Variants in SOX6 observed in about 807,000 individuals in gnomAD.
SOX6 encodes the protein SRY-box transcription factor 6, also known as transcription factor SOX-6.
A neutral mutation model predicts 97.8 loss-of-function variants in SOX6; 11 were observed. The ratio of observed to expected loss-of-function variants is 0.11; its 90% CI spans 0.07 to 0.19. The LOEUF (loss-of-function observed/expected upper bound fraction) is 0.19, where lower values mean the gene tolerates loss of function less well. Among genes scored for constraint, SOX6 ranks in the 10% least tolerant of loss-of-function variants. The pLI, the probability that SOX6 is intolerant of heterozygous loss-of-function variation, is 1.00. For missense variants in SOX6, 810 were observed against 1,039.5 expected, an observed-to-expected ratio of 0.78 and a Z score of 3.04; for synonymous variants, 360 against 371.4, an observed-to-expected ratio of 0.97 and a Z score of 0.35.
chr11:16,392,406 T>C (rs1330778053), intron 1 of SOX6, among the ~76,000 whole-genome samples: 2 of 152,176 alleles, frequency 1.3e-5, no homozygotes, highest in African/African-American at 4.8e-5. Context: ...ATTTAAAATA[T>C]ACTTAATGTT....
At chr11:16,733,169 C>A (rs1481168036) in intron 2 of SOX6, among the ~76,000 whole-genome samples, 1 of 152,196 alleles carries the variant, frequency 6.6e-6, no homozygotes, top group East Asian at 1.9e-4. Context: ...GACAGTGTGA[C>A]AATTCCTCAA....
chr11:16,659,198 A>G (rs1847747685), intron 3 of SOX6, among the ~76,000 whole-genome samples: 1 of 152,220 alleles, frequency 6.6e-6, no homozygotes, highest in Non-Finnish European at 1.5e-5. Flanking sequence ...ATGATCCACT[A>G]TCAGTTAATT....
chr11:16,366,611 A>G (rs1468087086), intron 1 of SOX6, among the ~76,000 whole-genome samples: 1 of 152,188 alleles, frequency 6.6e-6, no homozygotes, highest in Non-Finnish European at 1.5e-5. Context: ...ACAACTGATT[A>G]CTTGATAGTC....
chr11:16,527,689 T>C (rs4307685), intron 4 of SOX6, among the ~76,000 whole-genome samples: 26,090 of 152,066 alleles, frequency 0.17, 2,775 homozygotes, highest in East Asian at 0.32. Flanking sequence ...CTGCATAGTG[T>C]TGTATTCTTG....
At chr11:16,178,370 GTTAA>G (rs1188601284) in intron 6 of SOX6, among the ~76,000 whole-genome samples, 1 of 151,918 alleles carries the variant, frequency 6.6e-6, no homozygotes, top group Non-Finnish European at 1.5e-5. Flanking sequence ...GACTTTTAAA[GTTAA>G]TTAGATTACA....
intron 2 of SOX6, among the ~76,000 whole-genome samples, chr11:16,732,305 C>G (rs1848356361): frequency 6.6e-6 from 1 of 152,184 alleles, no homozygotes; most frequent in African/African-American, 2.4e-5. Flanking sequence ...AAGAACAAAG[C>G]TGGAGGCATC....
At chr11:16,615,297 C>G (rs1023384763) in intron 3 of SOX6, among the ~76,000 whole-genome samples, 3 of 152,202 alleles carry the variant, frequency 2.0e-5, no homozygotes, top group Admixed American at 6.5e-5. Context: ...GAACATTAGA[C>G]TTGTACAATG....
At chr11:15,973,136 TC>T in intron 15 of SOX6, 24 bp from the exon 16 acceptor site, 1 of 1,612,064 alleles carries the variant, frequency 6.2e-7, no homozygotes, top group Non-Finnish European at 8.5e-7. Flanking sequence ...AGAAACAAAA[TC>T]AGACAAGGGA....
At chr11:16,707,924 A>G (rs2134045787) in intron 3 of SOX6, among the ~76,000 whole-genome samples, 1 of 152,276 alleles carries the variant, frequency 6.6e-6, no homozygotes, top group East Asian at 1.9e-4. Flanking sequence ...TATCAAAACA[A>G]AAAGAAAATA....
chr11:16,033,583 G>A (rs1464674298), intron 12 of SOX6, among the ~76,000 whole-genome samples: 3 of 152,236 alleles, frequency 2.0e-5, no homozygotes, highest in East Asian at 1.9e-4. Flanking sequence ...TAAGATCAGA[G>A]AACTCGGCCA....
intron 1 of SOX6, among the ~76,000 whole-genome samples, chr11:16,363,346 T>C (rs1458717602): frequency 1.3e-5 from 2 of 152,176 alleles, no homozygotes; most frequent in Admixed American, 6.6e-5. Flanking sequence ...ATTTTTGAGC[T>C]CTGACACAAT....
chr11:16,561,068 AG>A (rs1432821835), intron 4 of SOX6, among the ~76,000 whole-genome samples: 1 of 152,140 alleles, frequency 6.6e-6, no homozygotes, highest in African/African-American at 2.4e-5. Flanking sequence ...TCACTACTAA[AG>A]AACTTATCCA....
At position 15,972,765 on chromosome 11, in the gene SOX6, G is replaced by C. The variant is rs756030457; in HGVS notation, c.*44C>G. ...CTTTAATAACTCTTTGTTGGGGAGG[G>C]GGGTGAAATGTCAGAGTACTTTAAT... is the stretch of plus-strand genomic sequence containing the variant. On this transcript the variant is annotated 3_prime_UTR_variant, in exon 16 of 16. Transcript: ENST00000683767. The C allele has an allele frequency of 2.2e-5, 35 of 1,600,862 alleles. No homozygotes were observed. Among genetic ancestry groups the C allele is most frequent in the Non-Finnish European group, 2.9e-5 (34 of 1,168,344 alleles).
At chr11:16,280,948 G>A (rs4336994) in intron 3 of SOX6, among the ~76,000 whole-genome samples, 110,931 of 151,936 alleles carry the variant, frequency 0.73, 40,608 homozygotes, top group Middle Eastern at 0.77. Context: ...CATTTTAGTT[G>A]AAAACAAAAT....
intron 4 of SOX6, among the ~76,000 whole-genome samples, chr11:16,506,454 C>T (rs57248274): frequency 0.22 from 33,508 of 152,136 alleles, 4,198 homozygotes; most frequent in East Asian, 0.51. Context: ...TTTACAGGCT[C>T]ATAGGTGGAA....
At chr11:16,091,365 A>G (rs553887308) in intron 9 of SOX6, among the ~76,000 whole-genome samples, 13 of 151,890 alleles carry the variant, frequency 8.6e-5, no homozygotes, top group Non-Finnish European at 1.6e-4. Context: ...AGAAATCACA[A>G]CTTTCCAAGA....
intron 4 of SOX6, among the ~76,000 whole-genome samples, chr11:16,221,614 G>C (rs759456109): frequency 2.0e-5 from 3 of 152,084 alleles, no homozygotes; most frequent in Non-Finnish European, 2.9e-5. Flanking sequence ...AGTGAGGCTT[G>C]TCACTTCAAG....
At chr11:16,093,217 C>T (rs987370167) in intron 9 of SOX6, among the ~76,000 whole-genome samples, 1 of 151,882 alleles carries the variant, frequency 6.6e-6, no homozygotes, top group Non-Finnish European at 1.5e-5. Context: ...ACCCCTCAAC[C>T]TTCAGATATA....
intron 6 of SOX6, among the ~76,000 whole-genome samples, chr11:16,131,980 C>T (rs1430028374): frequency 6.6e-6 from 1 of 151,830 alleles, no homozygotes; most frequent in Non-Finnish European, 1.5e-5. Flanking sequence ...CTCTATACAA[C>T]TTCCAGAATT....
Sources: allele counts gnomAD v4.1 joint callset (sites outside exome capture counted in the v4.1 genomes callset), GRCh38; gene constraint gnomAD v4.1.1; transcripts MANE v1.5; gene names NCBI Gene and HGNC (gene_info 2026-07-23, HGNC 2026-07-21).